The following TNRC6B variants were observed in gnomAD, a reference collection of about 807,000 sequenced individuals.
TNRC6B encodes trinucleotide repeat containing adaptor 6B.
In TNRC6B, 52 loss-of-function variants were observed where a neutral mutation model predicts 203.6. The observed-to-expected ratio is 0.26, with a 90% CI of 0.20 to 0.32. The LOEUF (loss-of-function observed/expected upper bound fraction) is 0.32. TNRC6B is among the 10% of genes least tolerant of loss of function. The pLI is 1.00. For missense variants in TNRC6B, 1,923 were observed against 2,286.2 expected, an observed-to-expected ratio of 0.84 and a Z score of 3.24; for synonymous variants, 838 against 845.7, an observed-to-expected ratio of 0.99 and a Z score of 0.16.
intron 13 of TNRC6B, 101 bp from the exon 14 acceptor site, chr22:40,300,809 T>C (rs1322354168): frequency 1.3e-5 from 17 of 1,274,920 alleles, no homozygotes; most frequent in Non-Finnish European, 1.8e-5. Context: ...TGGATACTTT[T>C]GATTGTGTGA....
intron 1 of TNRC6B, among the ~76,000 whole-genome samples, chr22:40,071,328 G>T (rs1410333144): frequency 6.6e-6 from 1 of 152,108 alleles, no homozygotes; most frequent in African/African-American, 2.4e-5. Flanking sequence ...CCTTTCGGAG[G>T]TACCTCGTGT....
chr22:40,057,292 GT>G (rs398037161), intron 1 of TNRC6B, among the ~76,000 whole-genome samples: 6,376 of 129,908 alleles, frequency 0.049, 271 homozygotes, highest in African/African-American at 0.14. Flanking sequence ...AATATGCCAG[GT>G]TTTTTTTTTT....
At chr22:40,050,417 C>T (rs1172477432) in intron 1 of TNRC6B, among the ~76,000 whole-genome samples, 1 of 152,176 alleles carries the variant, frequency 6.6e-6, no homozygotes, top group Non-Finnish European at 1.5e-5. Context: ...TCTTTCAGTT[C>T]CTCAAATTGC....
intron 1 of TNRC6B, among the ~76,000 whole-genome samples, chr22:40,195,386 T>C (rs1316808344): frequency 6.6e-6 from 1 of 152,254 alleles, no homozygotes; most frequent in Non-Finnish European, 1.5e-5. Flanking sequence ...GTGTTTGAAA[T>C]GTCTAACCTG....
chr22:40,045,572 A>G (rs2073008407), intron 1 of TNRC6B: 1 of 152,212 alleles, frequency 6.6e-6, no homozygotes, highest in Non-Finnish European at 1.5e-5. Flanking sequence ...GCCTGTGTGC[A>G]GGACCTGCGT....
At chr22:40,267,131 T>G in intron 5 of TNRC6B, 95 bp downstream of exon 5, 3 of 1,300,896 alleles carry the variant, frequency 2.3e-6, no homozygotes. Flanking sequence ...TTAGTTTTGT[T>G]CTGAGATGCT....
At chr22:40,311,391 A>G (rs1323410562) in intron 17 of TNRC6B, among the ~76,000 whole-genome samples, 3 of 152,216 alleles carry the variant, frequency 2.0e-5, no homozygotes. Context: ...TTTGTTGGAT[A>G]TAGTAATCTA....
intron 1 of TNRC6B, among the ~76,000 whole-genome samples, chr22:40,219,097 A>C (rs902191429): frequency 1.3e-5 from 2 of 152,208 alleles, no homozygotes; most frequent in Non-Finnish European, 2.9e-5. Flanking sequence ...TGAAAAGTCA[A>C]ATGGACTTTG....
chr22:40,095,383 A>G (rs1275866416), intron 1 of TNRC6B, among the ~76,000 whole-genome samples: 1 of 151,918 alleles, frequency 6.6e-6, no homozygotes, highest in Non-Finnish European at 1.5e-5. Context: ...CAGACCACGC[A>G]CCCTCCCAAG....
At chr22:40,262,277 C>G (rs2070398734) in intron 4 of TNRC6B, 104 bp downstream of exon 4, 13 of 1,056,892 alleles carry the variant, frequency 1.2e-5, no homozygotes, top group Non-Finnish European at 1.6e-5. Context: ...TTATATAAAC[C>G]ACTGGGATTA....
At position 40,273,508 on chromosome 22, in the gene TNRC6B, G is replaced by A; in HGVS notation, c.3049G>A (p.Asp1017Asn). 6.2e-7 allele frequency: 1 copy of A among 1,603,118 alleles called. No homozygotes were observed. Among genetic ancestry groups the A allele is most frequent in the Non-Finnish European group, 8.5e-7 (1 of 1,174,662 alleles). Residue 1017 changes from aspartate to asparagine, a missense_variant, in exon 7 of 23, where the codon GAT becomes AAT. Around this residue, in one of 8 missense-constraint regions of TNRC6B, gnomAD observed 599 missense variants for 656.5 expected, o/e 0.91. Coordinates refer to ENST00000454349, the MANE Select transcript of TNRC6B (RefSeq NM_001162501.2). The part of the protein sequence containing the change: ...ARHPSWEEEE[D>N]GGVWNTTGSQ... ...CCATCCCAGCTGGGAAGAGGAGGAG[G>A]ATGGAGGAGTCTGGAACACCACTGG...
At chr22:40,139,451 C>A (rs765342343) in intron 3 of TNRC6B, among the ~76,000 whole-genome samples, 6 of 151,868 alleles carry the variant, frequency 4.0e-5, no homozygotes, top group Non-Finnish European at 7.4e-5. Context: ...CCTGCCTCAC[C>A]CTCCTGAGTA....
At chr22:40,199,927 C>T (rs1569018070) in intron 1 of TNRC6B, among the ~76,000 whole-genome samples, 1 of 152,000 alleles carries the variant, frequency 6.6e-6, no homozygotes, top group South Asian at 2.1e-4. Flanking sequence ...ATCCTCCCTA[C>T]TAGCTGGGAT....
At chr22:40,268,916 A>AAATAATAAT in intron 5 of TNRC6B, among the ~76,000 whole-genome samples, 1 of 148,758 alleles carries the variant, frequency 6.7e-6, no homozygotes, top group East Asian at 2.0e-4. Context: ...CCGTCTCAAA[A>AAATAATAAT]AATAATAATA....
intron 1 of TNRC6B, among the ~76,000 whole-genome samples, chr22:40,186,643 C>G (rs928394773): frequency 6.6e-6 from 1 of 150,740 alleles, no homozygotes; most frequent in Non-Finnish European, 1.5e-5. Context: ...GAGGCTGATG[C>G]AGGAGAATTG....
chr22:40,198,233 A>G (rs552117068), intron 1 of TNRC6B, among the ~76,000 whole-genome samples: 1 of 152,192 alleles, frequency 6.6e-6, no homozygotes, highest in African/African-American at 2.4e-5. Flanking sequence ...TGTTTACACT[A>G]TTAATTTACT....
At chr22:40,154,892 TATAC>T (rs796128106) in intron 3 of TNRC6B, among the ~76,000 whole-genome samples, 1,090 of 40,430 alleles carry the variant, frequency 0.027, 78 homozygotes, top group African/African-American at 0.081. Context: ...TATATATATA[TATAC>T]ATATATATAT....
chr22:40,277,931 A>T, intron 8 of TNRC6B, 68 bp from the exon 9 acceptor site: 1 of 1,255,846 alleles, frequency 8.0e-7, no homozygotes, highest in Non-Finnish European at 1.1e-6. Context: ...TCTCAGGTGA[A>T]TAATGCCACT....
intron 12 of TNRC6B, among the ~76,000 whole-genome samples, chr22:40,298,453 G>GAGAT (rs1398114768): frequency 6.6e-6 from 1 of 152,214 alleles, no homozygotes; most frequent in African/African-American, 2.4e-5. Flanking sequence ...GCCTGAAGAT[G>GAGAT]AGATGCAAGG....
Sources: allele counts gnomAD v4.1 joint callset (sites outside exome capture counted in the v4.1 genomes callset), GRCh38; gene constraint gnomAD v4.1.1; regional missense constraint gnomAD v4.1.1; transcripts MANE v1.5; gene names NCBI Gene and HGNC (gene_info 2026-07-23, HGNC 2026-07-21).